The following TANGO6 variants were observed in gnomAD, a reference collection of about 807,000 sequenced individuals.
TANGO6 encodes transport and Golgi organization protein 6 homolog.
TANGO6 carries 90 observed loss-of-function variants against 114.2 expected under a neutral mutation model. The observed-to-expected ratio is 0.79, with a 90% CI of 0.66 to 0.94. The LOEUF (loss-of-function observed/expected upper bound fraction) is 0.94, where lower values mean the gene tolerates loss of function less well. Ranked by LOEUF, TANGO6 falls within the 40% of genes least tolerant of loss-of-function variation. The pLI is 0.00. For missense variants in TANGO6, 1,274 were observed against 1,315.3 expected (o/e 0.97, Z 0.49); for synonymous variants, 477 against 509.8 (o/e 0.94, Z 0.87).
Position 68,858,344 on chromosome 16 carries a change from G to A in TANGO6, c.95-1540G>A, listed in dbSNP as rs60425749. Among the ~76,000 whole-genome samples, 18 of 152,220 alleles carry A rather than the reference G, an allele frequency of 1.2e-4. No individual in the cohort carries two copies. The East Asian group carries it at 3.3e-3, about 28-fold the overall frequency. ...CTCCCAAAGTGCTGGGATTATAGGC[G>A]TGAGCCACCGCGCCCAGCGGAAGAT... On this transcript the variant is annotated intron_variant, in intron 1 of 17. Transcript: ENST00000261778.
intron 15 of TANGO6, among the ~76,000 whole-genome samples, chr16:68,980,081 C>A (rs190417586): frequency 2.6e-5 from 4 of 151,654 alleles, no homozygotes; most frequent in Admixed American, 2.6e-4. Flanking sequence ...CTCCTGACCT[C>A]GTGATCTGCC....
rs1433974302 is a variant in TANGO6 at position 68,885,269 on chromosome 16, T to A, written c.1377+4639T>A. Among the ~76,000 whole-genome samples the A allele has an allele frequency of 2.0e-5, 3 of 152,208 alleles. No individual in the cohort carries two copies. The East Asian group carries it at 5.8e-4, about 29-fold the overall frequency. On this transcript the variant is annotated intron_variant, in intron 7 of 17. Coordinates refer to ENST00000261778, the MANE Select transcript of TANGO6 (RefSeq NM_024562.2). ...AGCTCTTTTTTTCTCTCTCTCTTTT[T>A]ATTCTTGTTAACAGATTTATTAAGA...
chr16:69,052,707 G>A (rs1320077536), intron 17 of TANGO6, among the ~76,000 whole-genome samples: 1 of 152,118 alleles, frequency 6.6e-6, no homozygotes, highest in East Asian at 1.9e-4. Context: ...GGACTCTGGA[G>A]CTGGATGTCC....
intron 17 of TANGO6, among the ~76,000 whole-genome samples, chr16:69,044,624 G>A (rs1489494324): frequency 6.6e-6 from 1 of 152,114 alleles, no homozygotes; most frequent in African/African-American, 2.4e-5. Context: ...CAGAAGAGAG[G>A]CAATTTGGAA....
intron 1 of TANGO6, among the ~76,000 whole-genome samples, chr16:68,857,004 G>A (rs1470007920): frequency 6.6e-6 from 1 of 152,234 alleles, no homozygotes; most frequent in Middle Eastern, 3.2e-3. Context: ...AGCTACTCAG[G>A]AGGCTGAGGC....
Position 68,909,403 on chromosome 16 carries a change from G to T in TANGO6, c.1992+1G>T, listed in dbSNP as rs759715385. 6.6e-7 allele frequency: 1 copy of T among 1,512,538 alleles called. No individual in the cohort carries two copies. The highest frequency in any genetic ancestry group is 8.9e-7 in the Non-Finnish European group (1 of 1,125,728). The allele number at this position is 1,512,538 out of a possible 1,614,324, so 93.7% of individuals were successfully genotyped here. Reference sequence around the variant, plus strand: ...GCAGATATTCACAAACGTCACTCAGGTCAGTAGTTGCCACATTCTGGACCG... The same window carrying T: ...GCAGATATTCACAAACGTCACTCAGTTCAGTAGTTGCCACATTCTGGACCG... On this transcript the variant is annotated splice_donor_variant, in intron 11 of 17. Coordinates refer to ENST00000261778, the MANE Select transcript of TANGO6 (RefSeq NM_024562.2). LOFTEE classifies it high-confidence loss of function.
chr16:68,916,533 G>C (rs1228365638), intron 11 of TANGO6, among the ~76,000 whole-genome samples: 1 of 151,560 alleles, frequency 6.6e-6, no homozygotes, highest in Non-Finnish European at 1.5e-5. Flanking sequence ...AAAAGGGTTG[G>C]GGATCACTAC....
chr16:68,939,527 A>C (rs1033688807), intron 14 of TANGO6, among the ~76,000 whole-genome samples: 7 of 152,090 alleles, frequency 4.6e-5, no homozygotes, highest in Admixed American at 2.6e-4. Context: ...TTGAACAGTA[A>C]GTTGTGTTAG....
At chr16:69,053,443 C>G (rs1959985799) in intron 17 of TANGO6, among the ~76,000 whole-genome samples, 1 of 151,954 alleles carries the variant, frequency 6.6e-6, no homozygotes, top group Admixed American at 6.6e-5. Context: ...TTCTATGAAC[C>G]TATCATTAAT....
At chr16:68,954,820 T>C (rs1270314137) in intron 14 of TANGO6, among the ~76,000 whole-genome samples, 1 of 152,208 alleles carries the variant, frequency 6.6e-6, no homozygotes, top group Non-Finnish European at 1.5e-5. Context: ...TTTTAAGTAA[T>C]TTTTTAGCGG....
intron 14 of TANGO6, among the ~76,000 whole-genome samples, chr16:68,943,849 T>C (rs1963385134): frequency 6.6e-6 from 1 of 152,160 alleles, no homozygotes; most frequent in Non-Finnish European, 1.5e-5. Flanking sequence ...ATCTGCTAGT[T>C]TTTACGTGTT....
intron 3 of TANGO6, among the ~76,000 whole-genome samples, chr16:68,865,538 A>G (rs930467146): frequency 2.6e-5 from 4 of 152,210 alleles, no homozygotes; most frequent in African/African-American, 9.7e-5. Flanking sequence ...CACCAAGTCT[A>G]TTTATTCACA....
chr16:69,057,951 A>G (rs1290652404), intron 17 of TANGO6, among the ~76,000 whole-genome samples: 1 of 152,222 alleles, frequency 6.6e-6, no homozygotes, highest in African/African-American at 2.4e-5. Flanking sequence ...TGTACACAGA[A>G]CTGAAAAAAG....
intron 17 of TANGO6, among the ~76,000 whole-genome samples, chr16:69,048,258 A>ATTTTTTTTTTT (rs71383949): frequency 3.4e-4 from 38 of 111,636 alleles, no homozygotes; most frequent in African/African-American, 1.0e-3. Flanking sequence ...AATTTTTTGT[A>ATTTTTTTTTTT]TTTTTTTTTT....
At chr16:69,082,880 C>G (rs1248223764) in intron 17 of TANGO6, among the ~76,000 whole-genome samples, 1 of 152,034 alleles carries the variant, frequency 6.6e-6, no homozygotes, top group Admixed American at 6.6e-5. Flanking sequence ...GGCAGTCTTG[C>G]CTGTCTGTGG....
intron 14 of TANGO6, among the ~76,000 whole-genome samples, chr16:68,947,890 A>T (rs923268610): frequency 2.0e-5 from 3 of 152,000 alleles, no homozygotes; most frequent in Non-Finnish European, 4.4e-5. Context: ...TCACGCCCAG[A>T]CTACAACCCA....
chr16:68,969,329 G>A (rs1215324955), intron 14 of TANGO6, among the ~76,000 whole-genome samples: 1 of 152,138 alleles, frequency 6.6e-6, no homozygotes, highest in African/African-American at 2.4e-5. Flanking sequence ...TCTAAGTACA[G>A]AAAGTTTTTT....
At chr16:68,880,122 C>CA (rs1962434252) in intron 6 of TANGO6, among the ~76,000 whole-genome samples, 1 of 151,668 alleles carries the variant, frequency 6.6e-6, no homozygotes, top group South Asian at 2.1e-4. Context: ...ACAGGCCTGC[C>CA]CCACCACACC....
intron 15 of TANGO6, among the ~76,000 whole-genome samples, chr16:69,010,864 C>T (rs1369258983): frequency 6.6e-6 from 1 of 152,162 alleles, no homozygotes; most frequent in East Asian, 1.9e-4. Context: ...TCTTAAACTG[C>T]AGTTTGGAAA....
Sources: gnomAD v4.1 joint callset for allele counts (sites outside exome capture counted in the v4.1 genomes callset) on GRCh38, gnomAD v4.1.1 for gene constraint, MANE v1.5 for transcripts, NCBI Gene and HGNC (gene_info 2026-07-23, HGNC 2026-07-21) for gene names.